GPC6: variants seen among roughly 807,000 people sequenced by gnomAD.
GPC6 encodes glypican-6.
A neutral mutation model predicts 55.2 loss-of-function variants in GPC6; 14 were observed. That is an observed-to-expected ratio of 0.25 (90% CI 0.17 to 0.40). The LOEUF (loss-of-function observed/expected upper bound fraction) is 0.40, where lower values mean the gene tolerates loss of function less well. Ranked by LOEUF, GPC6 falls within the 10% of genes least tolerant of loss-of-function variation. The pLI is 1.00. For missense variants in GPC6, 641 were observed against 708.5 expected (o/e 0.90, Z 1.08); for synonymous variants, 278 against 259.6 (o/e 1.07, Z -0.68).
At chr13:93,606,506 T>C (rs1785590382) in intron 2 of GPC6, among the ~76,000 whole-genome samples, 1 of 152,240 alleles carries the variant, frequency 6.6e-6, no homozygotes, top group Non-Finnish European at 1.5e-5. Flanking sequence ...AGAAATTATA[T>C]GGTTTGCCCA....
intron 4 of GPC6, among the ~76,000 whole-genome samples, chr13:94,250,124 A>C (rs904663361): frequency 6.6e-6 from 1 of 152,198 alleles, no homozygotes; most frequent in African/African-American, 2.4e-5. Context: ...AACACCATGG[A>C]GATTAAGAGA....
At chr13:94,110,062 T>TAAAAAAAAAAAAAAA (rs78404632) in intron 4 of GPC6, among the ~76,000 whole-genome samples, 6 of 84,614 alleles carry the variant, frequency 7.1e-5, no homozygotes, top group East Asian at 6.1e-4. Flanking sequence ...CACCCTGGAC[T>TAAAAAAAAAAAAAAA]AAAAAAAAAA....
intron 1 of GPC6, among the ~76,000 whole-genome samples, chr13:93,472,519 C>A (rs1879156301): frequency 6.6e-6 from 1 of 152,202 alleles, no homozygotes; most frequent in East Asian, 1.9e-4. Flanking sequence ...GTGATTGGAC[C>A]AGGCGTTACT....
chr13:94,105,949 T>A (rs1406981518), intron 4 of GPC6, among the ~76,000 whole-genome samples: 1 of 148,580 alleles, frequency 6.7e-6, no homozygotes, highest in Non-Finnish European at 1.5e-5. Context: ...CCAGCTATCC[T>A]ACATTGGAAA....
chr13:94,141,389 T>A (rs1887373452), intron 4 of GPC6, among the ~76,000 whole-genome samples: 1 of 152,198 alleles, frequency 6.6e-6, no homozygotes, highest in African/African-American at 2.4e-5. Flanking sequence ...GGTGTGTGAC[T>A]TAACCCTTGT....
intron 2 of GPC6, among the ~76,000 whole-genome samples, chr13:93,558,849 A>C (rs1445253): frequency 0.33 from 50,714 of 152,038 alleles, 9,190 homozygotes; most frequent in African/African-American, 0.4. Context: ...AAATATGCTC[A>C]AGTGGTTCCG....
At chr13:94,064,161 C>T (rs1451175199) in intron 4 of GPC6, among the ~76,000 whole-genome samples, 1 of 152,138 alleles carries the variant, frequency 6.6e-6, no homozygotes, top group Non-Finnish European at 1.5e-5. Context: ...ACGTTTATGA[C>T]ATATGTAAAT....
Position 94,372,872 on chromosome 13 carries a change from T to C in GPC6, c.1153-9542T>C, listed in dbSNP as rs547781415. The stretch of plus-strand genomic sequence containing the variant: ...CAGCAGGCAGCTGGAGATCTGAGAA[T>C]GGGCAGACTGCCTCCTCAAGTGGGT... On this transcript the variant is annotated intron_variant, in intron 6 of 8. Transcript: ENST00000377047. 3.4e-3 allele frequency among the ~76,000 whole-genome samples: 515 copies of C among 152,260 alleles called. 3 individuals carry two copies. The highest frequency in any genetic ancestry group is 3.7e-3 in the South Asian group (18 of 4,818).
chr13:94,216,219 G>T (rs2138995376), intron 4 of GPC6, among the ~76,000 whole-genome samples: 1 of 152,156 alleles, frequency 6.6e-6, no homozygotes, highest in South Asian at 2.1e-4. Context: ...CTTCTCCTAA[G>T]GTATCAGGTA....
intron 1 of GPC6, among the ~76,000 whole-genome samples, chr13:93,341,339 G>A (rs901192195): frequency 6.6e-6 from 1 of 152,142 alleles, no homozygotes; most frequent in Admixed American, 6.6e-5. Context: ...TTTCCATAGT[G>A]GTTGTACTAG....
intron 3 of GPC6, among the ~76,000 whole-genome samples, chr13:93,912,535 A>T (rs1198177669): frequency 6.6e-6 from 1 of 152,114 alleles, no homozygotes; most frequent in Non-Finnish European, 1.5e-5. Flanking sequence ...CAAGGTCAGG[A>T]GATCGAGACC....
intron 1 of GPC6, among the ~76,000 whole-genome samples, chr13:93,507,572 A>T (rs1880784201): frequency 6.6e-6 from 1 of 152,236 alleles, no homozygotes; most frequent in African/African-American, 2.4e-5. Flanking sequence ...ATGGATAATG[A>T]TATAGCCAGC....
intron 1 of GPC6, among the ~76,000 whole-genome samples, chr13:93,391,753 A>G (rs555169489): frequency 6.6e-6 from 1 of 152,154 alleles, no homozygotes; most frequent in African/African-American, 2.4e-5. Flanking sequence ...TTAGTGGCCT[A>G]TACTAAGGGG....
intron 5 of GPC6, among the ~76,000 whole-genome samples, chr13:94,290,068 G>T (rs1374420216): frequency 6.6e-6 from 1 of 152,086 alleles, no homozygotes; most frequent in East Asian, 1.9e-4. Flanking sequence ...TATGAATCAA[G>T]TCAGTGGCAT....
At chr13:93,435,950 T>G (rs984446637) in intron 1 of GPC6, among the ~76,000 whole-genome samples, 1 of 152,158 alleles carries the variant, frequency 6.6e-6, no homozygotes, top group African/African-American at 2.4e-5. Flanking sequence ...TTACCCTTAG[T>G]GATCCCAGTG....
At chr13:94,094,450 TATAAAACCTACAC>T (rs1885596252) in intron 4 of GPC6, among the ~76,000 whole-genome samples, 1 of 152,264 alleles carries the variant, frequency 6.6e-6, no homozygotes, top group Admixed American at 6.5e-5. Flanking sequence ...TAATATTACA[TATAAAACCTACAC>T]ATGGTTTGCT....
intron 4 of GPC6, among the ~76,000 whole-genome samples, chr13:94,097,250 C>A (rs1271810299): frequency 6.6e-6 from 1 of 152,010 alleles, no homozygotes; most frequent in Admixed American, 6.6e-5. Flanking sequence ...GGCCTGTAAT[C>A]CCAGCACTTT....
At chr13:94,147,277 G>GAA (rs1452490835) in intron 4 of GPC6, among the ~76,000 whole-genome samples, 1 of 151,846 alleles carries the variant, frequency 6.6e-6, no homozygotes, top group Admixed American at 6.6e-5. Context: ...TTTGCACATA[G>GAA]AAAGATTTTG....
intron 4 of GPC6, among the ~76,000 whole-genome samples, chr13:94,157,195 A>G (rs139417913): frequency 6.6e-6 from 1 of 152,294 alleles, no homozygotes; most frequent in Non-Finnish European, 1.5e-5. Context: ...TAGCATTCTC[A>G]TCTATAAAAG....
Sources: gnomAD v4.1 joint callset for allele counts (sites outside exome capture counted in the v4.1 genomes callset) on GRCh38, gnomAD v4.1.1 for gene constraint, MANE v1.5 for transcripts, NCBI Gene and HGNC (gene_info 2026-07-23, HGNC 2026-07-21) for gene names.